C9: variants seen among roughly 807,000 people sequenced by gnomAD.
The protein encoded by C9 is complement component C9.
In C9, 63 loss-of-function variants were observed where a neutral mutation model predicts 65.4. The observed-to-expected ratio is 0.96, with a 90% CI of 0.79 to 1.19. The LOEUF is 1.19. Ranked by LOEUF, C9 falls within the 50% of genes most tolerant of loss-of-function variation. The probability of loss-of-function intolerance (pLI) is 0.00; values close to 1 mark genes in which losing one functional copy is unlikely to be tolerated. For missense variants in C9, 744 were observed against 670.1 expected (o/e 1.11, Z -1.22); for synonymous variants, 229 against 227.9 (o/e 1.00, Z -0.04).
intron 5 of C9, among the ~76,000 whole-genome samples, chr5:39,319,571 G>A (rs1158887491): frequency 6.6e-6 from 1 of 152,126 alleles, no homozygotes; most frequent in Non-Finnish European, 1.5e-5. Context: ...CAAGCACCAG[G>A]CCAGCACCTG....
intron 1 of C9, among the ~76,000 whole-genome samples, chr5:39,358,787 C>G (rs986346504): frequency 6.6e-6 from 1 of 151,684 alleles, no homozygotes; most frequent in Non-Finnish European, 1.5e-5. Flanking sequence ...AGATCGAGAC[C>G]ACCCTGGCTA....
At chr5:39,299,713 G>A (rs1370044110) in intron 9 of C9, among the ~76,000 whole-genome samples, 1 of 152,078 alleles carries the variant, frequency 6.6e-6, no homozygotes, top group African/African-American at 2.4e-5. Flanking sequence ...CTGTGTGGTA[G>A]AAATGTTTTA....
At chr5:39,311,997 C>G (rs1471695843) in intron 6 of C9, among the ~76,000 whole-genome samples, 1 of 152,068 alleles carries the variant, frequency 6.6e-6, no homozygotes, top group African/African-American at 2.4e-5. Context: ...AAGCTGTGGT[C>G]AGATAAATCT....
At chr5:39,331,846 A>C (rs780247004) in intron 4 of C9, 32 bp from the exon 5 acceptor site, 2 of 1,604,756 alleles carry the variant, frequency 1.2e-6, no homozygotes, top group Non-Finnish European at 1.7e-6. Context: ...TCAGAAGTGG[A>C]AATACCACAA....
At chr5:39,291,387 A>AG (rs542989893) in intron 9 of C9, among the ~76,000 whole-genome samples, 47 of 151,992 alleles carry the variant, frequency 3.1e-4, no homozygotes, top group African/African-American at 1.1e-3. Flanking sequence ...AAGCATGAAG[A>AG]GACAAAAGGA....
chr5:39,337,577 C>A (rs1753993202), intron 4 of C9, among the ~76,000 whole-genome samples: 1 of 152,236 alleles, frequency 6.6e-6, no homozygotes, highest in Non-Finnish European at 1.5e-5. Context: ...CATCTAGAAC[C>A]ACGGGCAGTT....
chr5:39,302,359 G>A (rs955781815), intron 9 of C9, among the ~76,000 whole-genome samples: 4 of 152,058 alleles, frequency 2.6e-5, no homozygotes, highest in Admixed American at 6.6e-5. Flanking sequence ...AAGTGGTAAA[G>A]TATAAATAAG....
At chr5:39,325,695 C>T (rs914184735) in intron 5 of C9, among the ~76,000 whole-genome samples, 2 of 150,268 alleles carry the variant, frequency 1.3e-5, no homozygotes, top group Non-Finnish European at 3.0e-5. Flanking sequence ...TCGTTTAAAC[C>T]CTGGAGGCAG....
At position 39,290,593 on chromosome 5, in the gene C9, A is replaced by G. The variant is rs146517100; in HGVS notation, c.1417-1642T>C. On this transcript the variant is annotated intron_variant, in intron 9 of 10. Transcript: ENST00000263408. ...GACAATGAGGAAAGCTAAACAAAAT[A>G]AAACCAAACATTTTTTTTTAAAACT... 4.9e-4 allele frequency among the ~76,000 whole-genome samples: 74 copies of G among 152,050 alleles called. No homozygotes were observed. In the East Asian group the frequency reaches 0.012, roughly 25 times the overall value.
intron 4 of C9, among the ~76,000 whole-genome samples, chr5:39,333,868 C>T (rs535197551): frequency 1.3e-5 from 2 of 152,256 alleles, no homozygotes; most frequent in South Asian, 4.1e-4. Flanking sequence ...CCAGCCTTGG[C>T]CTCCTGAGTT....
At chr5:39,306,532 T>C (rs1753380064) in intron 9 of C9, 85 bp downstream of exon 9, 2 of 1,083,596 alleles carry the variant, frequency 1.8e-6, no homozygotes, top group Non-Finnish European at 2.8e-6. Flanking sequence ...CTCTTTCAGA[T>C]GAAGCTAACA....
intron 6 of C9, among the ~76,000 whole-genome samples, chr5:39,314,613 C>T (rs181557527): frequency 1.3e-5 from 2 of 152,228 alleles, no homozygotes; most frequent in African/African-American, 4.8e-5. Flanking sequence ...TTCAATTTGA[C>T]TAACTTTTAT....
intron 9 of C9, among the ~76,000 whole-genome samples, chr5:39,303,459 A>G (rs1408171991): frequency 6.6e-6 from 1 of 151,602 alleles, no homozygotes; most frequent in Non-Finnish European, 1.5e-5. Flanking sequence ...GGCTATAGTT[A>G]CTTTAGTACG....
intron 9 of C9, among the ~76,000 whole-genome samples, chr5:39,295,329 A>C (rs1753165214): frequency 6.6e-6 from 1 of 151,718 alleles, no homozygotes; most frequent in Admixed American, 6.6e-5. Context: ...ACCAAAATAC[A>C]CTTAGAACTG....
intron 5 of C9, among the ~76,000 whole-genome samples, chr5:39,317,574 TC>T (rs1753591152): frequency 6.6e-6 from 1 of 152,170 alleles, no homozygotes; most frequent in South Asian, 2.1e-4. Flanking sequence ...TAGCCAGTTC[TC>T]CCAGCACTAT....
At chr5:39,329,780 C>G (rs1277083964) in intron 5 of C9, among the ~76,000 whole-genome samples, 1 of 152,034 alleles carries the variant, frequency 6.6e-6, no homozygotes, top group African/African-American at 2.4e-5. Context: ...GTATAATTTG[C>G]CTTCAGGTAC....
chr5:39,309,037 A>C (rs1249004151), intron 7 of C9, among the ~76,000 whole-genome samples: 2 of 152,160 alleles, frequency 1.3e-5, no homozygotes, highest in Non-Finnish European at 2.9e-5. Flanking sequence ...TCATCCTATG[A>C]ATGCTACTTG....
rs548249128 is a variant in C9 at position 39,341,787 on chromosome 5, G to T, written c.184-87C>A. 19 of 1,184,908 alleles carry T rather than the reference G, an allele frequency of 1.6e-5. No individual in the cohort carries two copies. In the South Asian group the frequency reaches 2.2e-4, roughly 14 times the overall value. The allele number at this position is 1,184,908 out of a possible 1,614,324, so 73.4% of individuals were successfully genotyped here. ...GGTGCATCCATACAACTATATCCCTGCAATGAGTCAATGGTTTTAAGATAG... is the reference window on the plus strand; with the variant it reads ...GGTGCATCCATACAACTATATCCCTTCAATGAGTCAATGGTTTTAAGATAG... On this transcript the variant is annotated intron_variant, in intron 2 of 10. Transcript: ENST00000263408.
rs1465148346 is a variant in C9, at chr5:39,350,045, A to T, written c.78-7849T>A. Among the ~76,000 whole-genome samples the T allele has an allele frequency of 2.6e-5, 4 of 152,192 alleles. No individual in the cohort carries two copies. The East Asian group carries it at 7.7e-4, about 29-fold the overall frequency. On this transcript the variant is annotated intron_variant, in intron 1 of 10. Transcript: ENST00000263408. ...AGACAAGGTAACTTATAAAGAAAAGAGGTTGATTGACTCACAGTTCCACAG... is the reference window on the plus strand; with the variant it reads ...AGACAAGGTAACTTATAAAGAAAAGTGGTTGATTGACTCACAGTTCCACAG...
Sources: allele counts gnomAD v4.1 joint callset (sites outside exome capture counted in the v4.1 genomes callset), GRCh38; gene constraint gnomAD v4.1.1; transcripts MANE v1.5; gene names NCBI Gene and HGNC (gene_info 2026-07-23, HGNC 2026-07-21).